Variants in NTN1 observed in about 807,000 individuals in gnomAD.
NTN1 encodes netrin 1, also known as netrin-1.
NTN1 carries 11 observed loss-of-function variants against 54.2 expected under a neutral mutation model. That is an observed-to-expected ratio of 0.20 (90% CI 0.13 to 0.34). The LOEUF (loss-of-function observed/expected upper bound fraction) is 0.34, where lower values mean the gene tolerates loss of function less well. NTN1 is among the 10% of genes least tolerant of loss of function. NTN1 has a pLI of 1.00. For missense variants in NTN1, 740 were observed against 893.1 expected (o/e 0.83, Z 2.18); for synonymous variants, 371 against 382.0 (o/e 0.97, Z 0.33).
intron 2 of NTN1, among the ~76,000 whole-genome samples, chr17:9,049,957 T>C (rs923180426): frequency 3.9e-5 from 6 of 152,116 alleles, no homozygotes; most frequent in Non-Finnish European, 8.8e-5. Context: ...TAAAAAATAA[T>C]AAATGTCGGC....
intron 2 of NTN1, among the ~76,000 whole-genome samples, chr17:9,117,897 A>C (rs2092219600): frequency 6.6e-6 from 1 of 151,938 alleles, no homozygotes; most frequent in Non-Finnish European, 1.5e-5. Flanking sequence ...GAAAGGGCTG[A>C]GAGGTACCAT....
At chr17:9,200,898 T>C (rs963682354) in intron 5 of NTN1, among the ~76,000 whole-genome samples, 7 of 152,188 alleles carry the variant, frequency 4.6e-5, no homozygotes, top group African/African-American at 1.7e-4. Context: ...TAACCTTTGG[T>C]GGGCCTGAGC....
intron 2 of NTN1, among the ~76,000 whole-genome samples, chr17:9,065,809 A>C (rs1040614914): frequency 5.9e-5 from 9 of 152,228 alleles, no homozygotes; most frequent in African/African-American, 1.9e-4. Flanking sequence ...TCACTTTACC[A>C]TCTACTGATC....
chr17:9,094,447 G>A (rs559876845), intron 2 of NTN1, among the ~76,000 whole-genome samples: 2 of 152,136 alleles, frequency 1.3e-5, no homozygotes, highest in South Asian at 2.1e-4. Flanking sequence ...ACACATATAT[G>A]TATGTACGAA....
chr17:9,189,627 G>C (rs1012663531), intron 5 of NTN1, among the ~76,000 whole-genome samples: 1 of 152,108 alleles, frequency 6.6e-6, no homozygotes. Flanking sequence ...TGGGATTACA[G>C]GGGTGAGCCA....
At chr17:9,075,616 G>A (rs763160481) in intron 2 of NTN1, among the ~76,000 whole-genome samples, 3 of 152,206 alleles carry the variant, frequency 2.0e-5, no homozygotes, top group African/African-American at 7.2e-5. Context: ...GAAAGGGGAC[G>A]GCCTGTCAGC....
At chr17:9,088,475 C>T (rs1443900606) in intron 2 of NTN1, among the ~76,000 whole-genome samples, 1 of 152,080 alleles carries the variant, frequency 6.6e-6, no homozygotes, top group African/African-American at 2.4e-5. Flanking sequence ...TGAGGTCCCT[C>T]CAAAGCAAGC....
At chr17:9,225,896 C>T (rs567479055) in intron 6 of NTN1, among the ~76,000 whole-genome samples, 190 of 152,342 alleles carry the variant, frequency 1.2e-3, no homozygotes, top group Admixed American at 3.3e-3. Context: ...AGAGCAGGCC[C>T]GGCTGCCAGC....
the NTN1 span, among the ~76,000 whole-genome samples, chr17:9,009,076 A>C: frequency 6.6e-6 from 1 of 152,138 alleles, no homozygotes; most frequent in Non-Finnish European, 1.5e-5. Flanking sequence ...CAAAACAAAA[A>C]AAGCTCTGTC....
intron 5 of NTN1, among the ~76,000 whole-genome samples, chr17:9,189,374 C>A (rs935055836): frequency 2.0e-5 from 3 of 152,098 alleles, no homozygotes; most frequent in Non-Finnish European, 4.4e-5. Flanking sequence ...TTGTTTGAGA[C>A]GAAGTTTTGC....
chr17:9,120,954 A>G (rs987601482), intron 2 of NTN1, among the ~76,000 whole-genome samples: 1 of 152,190 alleles, frequency 6.6e-6, no homozygotes, highest in African/African-American at 2.4e-5. Context: ...TCAGCATTTC[A>G]GGTACATTTT....
rs1597496844 is a variant in NTN1 at position 9,125,565 on chromosome 17, G to T, written c.1019-37248G>T. 2.0e-5 allele frequency among the ~76,000 whole-genome samples: 3 copies of T among 151,936 alleles called. No individual in the cohort carries two copies. In the South Asian group the frequency reaches 6.3e-4, roughly 32 times the overall value. On this transcript the variant is annotated intron_variant, in intron 2 of 6. Coordinates refer to ENST00000173229, the MANE Select transcript of NTN1 (RefSeq NM_004822.3). ...TTTAAAAATCTTTTTGTAGAGATGG[G>T]ATCTCACCATGTTGCCCAGTCTGGA... is the stretch of plus-strand genomic sequence containing the variant.
rs549647112 is a variant in NTN1 at position 9,188,696 on chromosome 17, G to T, written c.1411+5727G>T. On this transcript the variant is annotated intron_variant, in intron 5 of 6. Coordinates refer to ENST00000173229, the MANE Select transcript of NTN1 (RefSeq NM_004822.3). ...CCAGCCCTTTAGCTGTGGGTGTATGGCTTCGAGTTCTGGCTGCACAGCCTG... is the reference window on the plus strand; with the variant it reads ...CCAGCCCTTTAGCTGTGGGTGTATGTCTTCGAGTTCTGGCTGCACAGCCTG... 3.3e-5 allele frequency among the ~76,000 whole-genome samples: 5 copies of T among 152,248 alleles called. No individual in the cohort carries two copies. The East Asian group carries it at 9.6e-4, about 29-fold the overall frequency.
intron 2 of NTN1, among the ~76,000 whole-genome samples, chr17:9,160,506 C>T (rs2092354276): frequency 6.6e-6 from 1 of 152,078 alleles, no homozygotes; most frequent in African/African-American, 2.4e-5. Context: ...AAAGTATGAT[C>T]CGTGTTTGTA....
At chr17:9,013,238 C>T in the NTN1 span, among the ~76,000 whole-genome samples, 1 of 117,976 alleles carries the variant, frequency 8.5e-6, no homozygotes, top group Non-Finnish European at 1.7e-5. Flanking sequence ...TTTTTTGAGA[C>T]AGAGTTTCAC....
intron 5 of NTN1, among the ~76,000 whole-genome samples, chr17:9,196,749 C>T (rs916715349): frequency 3.3e-5 from 5 of 152,154 alleles, no homozygotes; most frequent in African/African-American, 1.2e-4. Flanking sequence ...GTTTTGTGGT[C>T]TCTGCTTGAG....
Position 9,163,646 on chromosome 17 carries a change from C to T in NTN1, c.1207+645C>T, listed in dbSNP as rs550989118. 5.3e-5 allele frequency among the ~76,000 whole-genome samples: 8 copies of T among 152,184 alleles called. No individual in the cohort carries two copies. In the East Asian group the frequency reaches 5.8e-4, roughly 11 times the overall value. On this transcript the variant is annotated intron_variant, in intron 3 of 6. Transcript: ENST00000173229. ...TTAAAAGGAGACGGGAGACTATTTT[C>T]GTCCACTGAAGCAAGCACTAATGTT...
intron 2 of NTN1, 43 bp from the exon 3 acceptor site, chr17:9,162,770 C>G (rs545975723): frequency 8.3e-6 from 13 of 1,565,376 alleles, no homozygotes; most frequent in Non-Finnish European, 1.1e-5. Context: ...CCTGTCCTCC[C>G]CGCGCCCCTG....
chr17:9,045,661 C>G (rs1224362155), intron 2 of NTN1, among the ~76,000 whole-genome samples: 1 of 151,842 alleles, frequency 6.6e-6, no homozygotes, highest in Non-Finnish European at 1.5e-5. Context: ...TAGAATAAGC[C>G]AGAAAAGGAG....
Sources: allele counts gnomAD v4.1 joint callset (sites outside exome capture counted in the v4.1 genomes callset), GRCh38; gene constraint gnomAD v4.1.1; transcripts MANE v1.5; gene names NCBI Gene and HGNC (gene_info 2026-07-23, HGNC 2026-07-21).